Variants in ADGRB3 observed in about 807,000 individuals in gnomAD.
ADGRB3 encodes brain-specific angiogenesis inhibitor 3.
In ADGRB3, 37 loss-of-function variants were observed where a neutral mutation model predicts 193.4. That is an observed-to-expected ratio of 0.19 (90% confidence interval 0.15 to 0.25). The LOEUF (loss-of-function observed/expected upper bound fraction) is 0.25. Among genes scored for constraint, ADGRB3 ranks in the 10% least tolerant of loss-of-function variants. ADGRB3 has a pLI of 1.00. For missense variants in ADGRB3, 1,637 were observed against 1,852.9 expected (o/e 0.88, Z 2.14); for synonymous variants, 690 against 644.2 (o/e 1.07, Z -1.08).
chr6:68,897,354 C>T (rs537598024), intron 3 of ADGRB3, among the ~76,000 whole-genome samples: 6 of 141,766 alleles, frequency 4.2e-5, no homozygotes, highest in South Asian at 4.6e-4. Context: ...GAGGTTATTT[C>T]GTCTTAAAAG....
In ADGRB3 at chr6:69,339,519, T is replaced by C. The variant is rs770299299; in HGVS notation, c.3459+15T>C. 2 of 1,609,378 alleles carry C rather than the reference T, an allele frequency of 1.2e-6. No individual in the cohort carries two copies. The highest frequency in any genetic ancestry group is 1.7e-6 in the Non-Finnish European group (2 of 1,176,324). On this transcript the variant is annotated intron_variant, in intron 26 of 31. Transcript: ENST00000370598. ...TTCGGAGAGAGGTGAGAAGCATTCT[T>C]GTGATAGAGAACAGTGATGGTTGGA...
chr6:68,703,528 C>T (rs1476853586), intron 3 of ADGRB3, among the ~76,000 whole-genome samples: 1 of 152,020 alleles, frequency 6.6e-6, no homozygotes, highest in Non-Finnish European at 1.5e-5. Context: ...AATTATGGCT[C>T]TACATAGGGA....
intron 20 of ADGRB3, among the ~76,000 whole-genome samples, 170 bp downstream of exon 20, chr6:69,239,396 A>G (rs1766338372): frequency 6.6e-6 from 1 of 152,060 alleles, no homozygotes; most frequent in Non-Finnish European, 1.5e-5. Context: ...ATTCCAGTTC[A>G]GAATGTATAC....
chr6:69,161,208 T>G (rs1443778787), intron 17 of ADGRB3, among the ~76,000 whole-genome samples: 1 of 151,950 alleles, frequency 6.6e-6, no homozygotes, highest in African/African-American at 2.4e-5. Context: ...ATAATGATTA[T>G]TACTAAATTA....
rs565901592 is a variant in ADGRB3, at chr6:68,955,894, A to T, written c.1196-130A>T. ...GTTAATAAAATCTCATGCTGGTGTG[A>T]CCTTCCATTGTATTCATTCATAGTC... is the stretch of plus-strand genomic sequence containing the variant. On this transcript the variant is annotated intron_variant, in intron 6 of 31. Transcript: ENST00000370598. 7.0e-5 allele frequency: 55 copies of T among 788,612 alleles called. No homozygotes were observed. In the African/African-American group the frequency reaches 8.7e-4, roughly 12 times the overall value. 48.9% of individuals were successfully genotyped at this position (788,612 alleles called of 1,614,324 possible). A position where few individuals can be genotyped will look rare whatever the true frequency, so the allele number is the denominator to read the frequency against.
intron 3 of ADGRB3, among the ~76,000 whole-genome samples, chr6:68,644,302 G>A (rs1317656055): frequency 6.6e-6 from 1 of 151,834 alleles, no homozygotes; most frequent in East Asian, 1.9e-4. Context: ...TATTTTAAAA[G>A]TTTTTAAAAT....
chr6:68,745,165 A>C (rs1200017903), intron 3 of ADGRB3, among the ~76,000 whole-genome samples: 2 of 152,198 alleles, frequency 1.3e-5, no homozygotes, highest in East Asian at 3.8e-4. Context: ...AGCACTATTC[A>C]CTGTAGCCAA....
chr6:69,070,185 T>C (rs1417224693), intron 16 of ADGRB3, among the ~76,000 whole-genome samples: 1 of 152,180 alleles, frequency 6.6e-6, no homozygotes, highest in Non-Finnish European at 1.5e-5. Context: ...TGAAAAGAGA[T>C]TATTTTGTTT....
At chr6:69,152,758 A>G (rs1053670459) in intron 17 of ADGRB3, among the ~76,000 whole-genome samples, 7 of 152,242 alleles carry the variant, frequency 4.6e-5, no homozygotes, top group Admixed American at 6.5e-5. Context: ...CATTAATTTT[A>G]TATACTACTT....
chr6:69,120,999 C>CTTTT (rs36095516), intron 17 of ADGRB3, among the ~76,000 whole-genome samples: 36 of 123,540 alleles, frequency 2.9e-4, no homozygotes, highest in Admixed American at 1.3e-3. Flanking sequence ...ATGCAGTTAT[C>CTTTT]TTTTTTTTTT....
At chr6:68,911,187 T>C (rs563150525) in intron 3 of ADGRB3, among the ~76,000 whole-genome samples, 34 of 147,900 alleles carry the variant, frequency 2.3e-4, no homozygotes, top group African/African-American at 8.0e-4. Context: ...AAACACTGCA[T>C]GTTCTCATTC....
chr6:69,231,178 A>T (rs1263103432), intron 17 of ADGRB3, among the ~76,000 whole-genome samples: 5 of 152,244 alleles, frequency 3.3e-5, no homozygotes, highest in African/African-American at 9.6e-5. Context: ...AATTTACATG[A>T]TCTTCAGAAT....
chr6:69,344,995 ATT>A (rs539371545), intron 26 of ADGRB3, among the ~76,000 whole-genome samples: 1 of 144,516 alleles, frequency 6.9e-6, no homozygotes, highest in Non-Finnish European at 1.5e-5. Context: ...GACCCTAGTG[ATT>A]TTTTTTTTTT....
chr6:69,163,702 C>T (rs1308675510), intron 17 of ADGRB3, among the ~76,000 whole-genome samples: 1 of 152,044 alleles, frequency 6.6e-6, no homozygotes, highest in African/African-American at 2.4e-5. Flanking sequence ...AAATACTGTA[C>T]AACCCTTTCA....
chr6:68,733,244 AAT>A (rs961670378), intron 3 of ADGRB3, among the ~76,000 whole-genome samples: 16 of 147,614 alleles, frequency 1.1e-4, no homozygotes, highest in Admixed American at 4.1e-4. Context: ...ATATATATAA[AAT>A]ATATATATAT....
At chr6:68,804,547 T>C (rs1040198355) in intron 3 of ADGRB3, among the ~76,000 whole-genome samples, 1 of 152,182 alleles carries the variant, frequency 6.6e-6, no homozygotes, top group Non-Finnish European at 1.5e-5. Flanking sequence ...TCTCAGCATA[T>C]TATAAGTAAT....
intron 11 of ADGRB3, among the ~76,000 whole-genome samples, chr6:69,006,663 G>A (rs953616360): frequency 7.2e-5 from 11 of 151,770 alleles, no homozygotes; most frequent in Non-Finnish European, 1.0e-4. Context: ...GCACCACCAT[G>A]CCTAGCTAAT....
chr6:68,983,023 T>C (rs1298933196), intron 10 of ADGRB3, among the ~76,000 whole-genome samples: 1 of 152,156 alleles, frequency 6.6e-6, no homozygotes, highest in East Asian at 1.9e-4. Context: ...AGTGTCATTT[T>C]TGTAATTTAT....
intron 17 of ADGRB3, among the ~76,000 whole-genome samples, chr6:69,231,501 C>T (rs1766139305): frequency 6.6e-6 from 1 of 152,104 alleles, no homozygotes; most frequent in African/African-American, 2.4e-5. Flanking sequence ...TTAAGTGTAT[C>T]TTTCTTCTTT....
Sources: gnomAD v4.1 joint callset for allele counts (sites outside exome capture counted in the v4.1 genomes callset) on GRCh38, gnomAD v4.1.1 for gene constraint, MANE v1.5 for transcripts, NCBI Gene and HGNC (gene_info 2026-07-23, HGNC 2026-07-21) for gene names.